MET: variants seen among roughly 807,000 people sequenced by gnomAD.
MET encodes the protein hepatocyte growth factor receptor.
A neutral mutation model predicts 133.1 loss-of-function variants in MET; 48 were observed. The observed-to-expected ratio is 0.36, with a 90% CI of 0.29 to 0.46. The LOEUF (loss-of-function observed/expected upper bound fraction) is 0.46, where lower values mean the gene tolerates loss of function less well. Ranked by LOEUF, MET falls within the 20% of genes least tolerant of loss-of-function variation. MET has a pLI of 1.00. For missense variants in MET, 1,442 were observed against 1,695.9 expected (o/e 0.85, Z 2.63); for synonymous variants, 628 against 616.5 (o/e 1.02, Z -0.28).
Position 116,796,082 on chromosome 7 carries a change from T to C in MET, c.4131T>C (p.Asp1377=). 1 of 1,614,148 alleles carries C rather than the reference T, an allele frequency of 6.2e-7. No individual in the cohort carries two copies. The highest frequency in any genetic ancestry group is 8.5e-7 in the Non-Finnish European group (1 of 1,180,012). ...SLLSSEDNAD[D]EVDTRPASFW... is the part of the protein sequence containing the mutation. ...TGTCATCAGAAGATAACGCTGATGA[T>C]GAGGTGGACACACGACCAGCCTCCT... Residue 1377 remains aspartate (D), a synonymous_variant, in exon 21 of 21, where the codon GAT becomes GAC. Transcript: ENST00000397752.
chr7:116,724,658 T>G (rs956284675), intron 2 of MET: 4 of 460,168 alleles, frequency 8.7e-6, no homozygotes, highest in East Asian at 1.4e-4. Flanking sequence ...CTGATAACAG[T>G]TTTTTTTACT....
At position 116,731,871 on chromosome 7, in the gene MET, C is replaced by T. The variant is rs201184739; in HGVS notation, c.1392+12C>T. The T allele has an allele frequency of 2.2e-5, 36 of 1,612,924 alleles. No individual in the cohort carries two copies. The highest frequency in any genetic ancestry group is 3.1e-5 in the Non-Finnish European group (36 of 1,179,070). ...GTCGCTTCATGCAGGTAAGTGCTTT[C>T]TGAGAGTAGCTGTGTCTGTTCTATC... On this transcript the variant is annotated intron_variant, in intron 3 of 20. Coordinates refer to ENST00000397752, the MANE Select transcript of MET (RefSeq NM_000245.4).
intron 1 of MET, among the ~76,000 whole-genome samples, chr7:116,685,002 A>G (rs890683176): frequency 6.6e-6 from 1 of 152,192 alleles, no homozygotes; most frequent in Non-Finnish European, 1.5e-5. Flanking sequence ...GGACATGTTT[A>G]AAATATTTGT....
intron 1 of MET, among the ~76,000 whole-genome samples, chr7:116,689,799 A>G (rs1796711858): frequency 6.6e-6 from 1 of 152,026 alleles, no homozygotes; most frequent in African/African-American, 2.4e-5. Context: ...AACTCAAGCA[A>G]TCGTCTGGCC....
chr7:116,752,856 A>T (rs1793982173), intron 5 of MET, among the ~76,000 whole-genome samples: 1 of 152,180 alleles, frequency 6.6e-6, no homozygotes, highest in Admixed American at 6.5e-5. Flanking sequence ...AGCCTTGGGC[A>T]GCGTTTTCAG....
intron 17 of MET, among the ~76,000 whole-genome samples, chr7:116,781,087 C>T (rs143117128): frequency 6.6e-6 from 1 of 152,174 alleles, no homozygotes; most frequent in Non-Finnish European, 1.5e-5. Context: ...ATCCACCTGC[C>T]CTAATCACCC....
intron 19 of MET, among the ~76,000 whole-genome samples, chr7:116,792,991 A>G (rs1474779476): frequency 6.6e-6 from 1 of 152,204 alleles, no homozygotes; most frequent in Non-Finnish European, 1.5e-5. Context: ...AAAGCCTCAT[A>G]GGCTTCCGTA....
intron 5 of MET, among the ~76,000 whole-genome samples, chr7:116,751,187 G>T (rs967204791): frequency 1.3e-5 from 2 of 152,150 alleles, no homozygotes; most frequent in African/African-American, 4.8e-5. Flanking sequence ...GCCCATCAAA[G>T]ATAGACTGGA....
At chr7:116,746,676 A>G (rs1174580584) in intron 5 of MET, among the ~76,000 whole-genome samples, 2 of 152,080 alleles carry the variant, frequency 1.3e-5, no homozygotes, top group Non-Finnish European at 2.9e-5. Flanking sequence ...AAACTATCGC[A>G]AGAACAAAAA....
intron 16 of MET, among the ~76,000 whole-genome samples, chr7:116,778,106 C>A (rs1795049030): frequency 6.6e-6 from 1 of 152,194 alleles, no homozygotes; most frequent in South Asian, 2.1e-4. Context: ...TAAGGGAATG[C>A]TTCCAAATAC....
At chr7:116,754,037 A>T (rs1337458094) in intron 5 of MET, among the ~76,000 whole-genome samples, 1 of 152,182 alleles carries the variant, frequency 6.6e-6, no homozygotes, top group Non-Finnish European at 1.5e-5. Flanking sequence ...AGAGAGGCTG[A>T]GGCGGGAGGA....
intron 2 of MET, among the ~76,000 whole-genome samples, chr7:116,718,507 T>A (rs932676491): frequency 6.6e-6 from 1 of 152,106 alleles, no homozygotes. Context: ...CTTTTTTTTT[T>A]ATACTTTAAG....
intron 1 of MET, among the ~76,000 whole-genome samples, chr7:116,672,945 G>A (rs541544135): frequency 2.4e-4 from 37 of 152,112 alleles, no homozygotes; most frequent in Non-Finnish European, 4.1e-4. Flanking sequence ...CAAGGTTTGA[G>A]CCGAGCTGTT....
intron 11 of MET, 105 bp from the exon 12 acceptor site, chr7:116,769,540 A>G (rs1794760420): frequency 1.4e-6 from 2 of 1,436,680 alleles, no homozygotes; most frequent in East Asian, 2.3e-5. Flanking sequence ...GCCTTGGCAA[A>G]CAACATGGCC....
At chr7:116,780,783 G>A (rs1424956927) in intron 17 of MET, among the ~76,000 whole-genome samples, 2 of 152,188 alleles carry the variant, frequency 1.3e-5, no homozygotes, top group African/African-American at 4.8e-5. Context: ...AAACTCCTCA[G>A]TGACTGTTGA....
At chr7:116,732,482 C>A (rs1175669250) in intron 3 of MET, among the ~76,000 whole-genome samples, 1 of 152,166 alleles carries the variant, frequency 6.6e-6, no homozygotes, top group East Asian at 1.9e-4. Context: ...TTCCTAGATA[C>A]AAGAACCATA....
intron 2 of MET, among the ~76,000 whole-genome samples, chr7:116,715,265 G>A (rs1238176721): frequency 6.6e-6 from 1 of 152,206 alleles, no homozygotes; most frequent in African/African-American, 2.4e-5. Context: ...GAGGCCAGAT[G>A]TCTGAAATCA....
intron 19 of MET, among the ~76,000 whole-genome samples, chr7:116,785,746 G>C (rs939799168): frequency 6.6e-6 from 1 of 152,222 alleles, no homozygotes; most frequent in Non-Finnish European, 1.5e-5. Flanking sequence ...GAAAGGAAGA[G>C]ATGAAAGGAG....
intron 2 of MET, among the ~76,000 whole-genome samples, chr7:116,731,328 GA>G (rs1432419896): frequency 6.6e-6 from 1 of 152,180 alleles, no homozygotes; most frequent in African/African-American, 2.4e-5. Flanking sequence ...CATCTCATCA[GA>G]CTTGCCTGCT....
Sources: gnomAD v4.1 joint callset for allele counts (sites outside exome capture counted in the v4.1 genomes callset) on GRCh38, gnomAD v4.1.1 for gene constraint, MANE v1.5 for transcripts, NCBI Gene and HGNC (gene_info 2026-07-23, HGNC 2026-07-21) for gene names.